PREP: variants seen among roughly 807,000 people sequenced by gnomAD.
The protein encoded by PREP is prolyl endopeptidase.
Under a neutral mutation model 87.6 loss-of-function variants are expected in PREP, and 29 were observed. The observed-to-expected ratio is 0.33, with a 90% confidence interval of 0.25 to 0.45. PREP has a LOEUF of 0.45. Ranked by LOEUF, PREP falls within the 20% of genes least tolerant of loss-of-function variation. The probability of loss-of-function intolerance (pLI) is 1.00; values close to 1 mark genes in which losing one functional copy is unlikely to be tolerated. For missense variants in PREP, 695 were observed against 886.5 expected, an observed-to-expected ratio of 0.78 and a Z score of 2.74; for synonymous variants, 337 against 328.6, an observed-to-expected ratio of 1.03 and a Z score of -0.28.
At chr6:105,299,532 G>A (rs1163007819) in intron 10 of PREP, among the ~76,000 whole-genome samples, 1 of 152,160 alleles carries the variant, frequency 6.6e-6, no homozygotes, top group Non-Finnish European at 1.5e-5. Context: ...CCAGAAGGCA[G>A]AAGTTGCAGT....
intron 2 of PREP, among the ~76,000 whole-genome samples, chr6:105,395,638 C>T (rs1773269868): frequency 6.6e-6 from 1 of 152,146 alleles, no homozygotes; most frequent in Non-Finnish European, 1.5e-5. Flanking sequence ...CAGTTTCATC[C>T]ACTAATTGGA....
chr6:105,322,011 G>T (rs1385875834), intron 10 of PREP, among the ~76,000 whole-genome samples: 2 of 152,106 alleles, frequency 1.3e-5, no homozygotes, highest in African/African-American at 4.8e-5. Flanking sequence ...GGATACCCAG[G>T]CAAGGACCAG....
At chr6:105,397,185 C>CCAAAAAAAAAA (rs775026045) in intron 2 of PREP, among the ~76,000 whole-genome samples, 2 of 86,852 alleles carry the variant, frequency 2.3e-5, no homozygotes, top group African/African-American at 3.7e-5. Flanking sequence ...ACTCTGTCTA[C>CCAAAAAAAAAA]AAAAAAAAAA....
intron 10 of PREP, among the ~76,000 whole-genome samples, chr6:105,321,876 C>T (rs978164301): frequency 6.6e-6 from 1 of 152,098 alleles, no homozygotes; most frequent in Non-Finnish European, 1.5e-5. Context: ...TCTCGTGCAA[C>T]CCTACCCCGT....
chr6:105,312,896 TGAA>T (rs1388391681), intron 10 of PREP, among the ~76,000 whole-genome samples: 3 of 152,132 alleles, frequency 2.0e-5, no homozygotes, highest in African/African-American at 7.2e-5. Context: ...CGCGGCTGTA[TGAA>T]GAAGAGCATC....
chr6:105,331,508 C>A (rs1412860180), intron 8 of PREP, among the ~76,000 whole-genome samples: 1 of 152,162 alleles, frequency 6.6e-6, no homozygotes, highest in African/African-American at 2.4e-5. Context: ...CCGGAAAACT[C>A]CTGGAGCACC....
chr6:105,362,360 C>CTGAGGGA (rs1016430278), intron 6 of PREP, among the ~76,000 whole-genome samples: 3 of 152,196 alleles, frequency 2.0e-5, no homozygotes, highest in Admixed American at 1.3e-4. Context: ...ACTCGGGAGG[C>CTGAGGGA]TGAGGGACGA....
chr6:105,297,283 G>C (rs575114496), intron 10 of PREP, among the ~76,000 whole-genome samples: 2 of 152,164 alleles, frequency 1.3e-5, no homozygotes, highest in African/African-American at 4.8e-5. Context: ...CTAGCATCAT[G>C]ACTAACCAGT....
chr6:105,295,202 T>G (rs1161315289), intron 10 of PREP, among the ~76,000 whole-genome samples: 1 of 149,322 alleles, frequency 6.7e-6, no homozygotes, highest in Non-Finnish European at 1.5e-5. Flanking sequence ...TGCATCCCTC[T>G]CTGCCTCTGG....
rs1769918151 is a variant in PREP at position 105,275,679 on chromosome 6, A to G, written c.*2465T>C. 6.6e-6 allele frequency among the ~76,000 whole-genome samples: 1 copy of G among 152,218 alleles called. No individual in the cohort carries two copies. The highest frequency in any genetic ancestry group is 1.5e-5 in the Non-Finnish European group (1 of 68,046). On this transcript the variant is annotated 3_prime_UTR_variant, in exon 15 of 15. Coordinates refer to ENST00000652536, the MANE Select transcript of PREP (RefSeq NM_002726.5). ...CCACAACAGCCAAGATAGGGAATCA[A>G]CCCACGTGCCCATCAGCAGATGAAC...
At chr6:105,339,936 G>A (rs956281797) in intron 7 of PREP, among the ~76,000 whole-genome samples, 1 of 152,222 alleles carries the variant, frequency 6.6e-6, no homozygotes, top group African/African-American at 2.4e-5. Context: ...AGAAAGTGAT[G>A]AGGAGAATGG....
At chr6:105,343,406 C>G (rs942924646) in intron 7 of PREP, among the ~76,000 whole-genome samples, 1 of 152,158 alleles carries the variant, frequency 6.6e-6, no homozygotes, top group Non-Finnish European at 1.5e-5. Flanking sequence ...AAATGTTAGA[C>G]CAAAAACCAT....
chr6:105,376,377 G>T, intron 3 of PREP, 122 bp from the exon 4 acceptor site: 2 of 1,150,402 alleles, frequency 1.7e-6, no homozygotes, highest in South Asian at 1.6e-5. Context: ...CTGTAATCTG[G>T]CCATCGCAGG....
intron 6 of PREP, among the ~76,000 whole-genome samples, chr6:105,362,897 AC>A (rs1306788615): frequency 6.6e-6 from 1 of 152,166 alleles, no homozygotes; most frequent in African/African-American, 2.4e-5. Context: ...CAGGAACACC[AC>A]TGGACTTTTC....
At chr6:105,378,536 G>C (rs1447596162) in intron 2 of PREP, among the ~76,000 whole-genome samples, 1 of 152,248 alleles carries the variant, frequency 6.6e-6, no homozygotes, top group East Asian at 1.9e-4. Context: ...TATAAGAAAG[G>C]CAAGAGATGG....
rs940027420 is a variant in PREP, at chr6:105,274,066, CTTTG to C, written c.*4074_*4077del. Among the ~76,000 whole-genome samples, 6 of 152,278 alleles carry C rather than the reference CTTTG, an allele frequency of 3.9e-5. No homozygotes were observed. Among genetic ancestry groups the C allele is most frequent in the East Asian group, 3.9e-4 (2 of 5,190 alleles). ...TTTCTTGTTAATTCCTGAAATTATACTTTGTTTATTATCTTGTTAATAGACTCGT... is the reference window on the plus strand; with the variant it reads ...TTTCTTGTTAATTCCTGAAATTATACTTTATTATCTTGTTAATAGACTCGT... On this transcript the variant is annotated 3_prime_UTR_variant, in exon 15 of 15. Transcript: ENST00000652536.
At chr6:105,300,194 G>T (rs1040932426) in intron 10 of PREP, among the ~76,000 whole-genome samples, 1 of 152,164 alleles carries the variant, frequency 6.6e-6, no homozygotes, top group Non-Finnish European at 1.5e-5. Context: ...ACCGCGCCCA[G>T]ACTGTTTTTG....
intron 1 of PREP, among the ~76,000 whole-genome samples, chr6:105,399,608 T>A (rs1187573253): frequency 6.6e-6 from 1 of 152,196 alleles, no homozygotes; most frequent in Non-Finnish European, 1.5e-5. Flanking sequence ...TCTCTAAATT[T>A]TAGCAGATTG....
Position 105,282,461 on chromosome 6 carries a change from G to T in PREP, c.1671C>A (p.Gly557=), listed in dbSNP as rs748678074. ...AAATCCAGTACTCACCCACTAAGAG[G>T]CCTCCATTTGAACCTCCATTAATAG... is the stretch of plus-strand genomic sequence containing the variant. ...RLTINGGSNG[G]LLVAACANQR... Residue 557 remains glycine (G), a synonymous_variant, in exon 13 of 15, where the codon GGC becomes GGA. Transcript: ENST00000652536. 1 of 1,613,590 alleles carries T rather than the reference G, an allele frequency of 6.2e-7. No individual in the cohort carries two copies. Among genetic ancestry groups the T allele is most frequent in the East Asian group, 2.2e-5 (1 of 44,848 alleles).
Sources: allele counts gnomAD v4.1 joint callset (sites outside exome capture counted in the v4.1 genomes callset), GRCh38; gene constraint gnomAD v4.1.1; transcripts MANE v1.5; gene names NCBI Gene and HGNC (gene_info 2026-07-23, HGNC 2026-07-21).